Variants in NOL4 observed in about 807,000 individuals in gnomAD.
The protein encoded by NOL4 is cancer/testis antigen 125.
Under a neutral mutation model 75.9 loss-of-function variants are expected in NOL4, and 17 were observed. The ratio of observed to expected loss-of-function variants is 0.22; its 90% CI spans 0.15 to 0.34. NOL4 has a LOEUF of 0.34. Among genes scored for constraint, NOL4 ranks in the 10% least tolerant of loss-of-function variants. The pLI, the probability that NOL4 is intolerant of heterozygous loss-of-function variation, is 1.00. For synonymous variants in NOL4, 292 were observed against 289.9 expected, an observed-to-expected ratio of 1.01 and a Z score of -0.07; for missense variants, 614 against 793.5, an observed-to-expected ratio of 0.77 and a Z score of 2.72.
chr18:33,912,679 C>CA (rs946899398), intron 9 of NOL4, among the ~76,000 whole-genome samples: 2 of 151,998 alleles, frequency 1.3e-5, no homozygotes, highest in African/African-American at 2.4e-5. Context: ...GGTAATATGA[C>CA]AATCAGCATA....
At position 34,206,052 on chromosome 18, in the gene NOL4, C is replaced by T. The variant is rs150717841; in HGVS notation, c.264+16938G>A. Among the ~76,000 whole-genome samples the T allele has an allele frequency of 4.6e-3, 707 of 152,234 alleles. 6 individuals are homozygous for T. The highest frequency in any genetic ancestry group is 0.016 in the African/African-American group (658 of 41,564). The stretch of plus-strand genomic sequence containing the variant: ...ATATGCTACATTATCATTTTATTCA[C>T]GTCAAAATACTGTCTAATTTATCTT... On this transcript the variant is annotated intron_variant, in intron 1 of 10. Transcript: ENST00000261592.
intron 6 of NOL4, among the ~76,000 whole-genome samples, chr18:33,975,863 T>A (rs1253964081): frequency 6.6e-6 from 1 of 152,240 alleles, no homozygotes; most frequent in African/African-American, 2.4e-5. Flanking sequence ...TCTCAGTTAA[T>A]GGTGGTCCTT....
intron 5 of NOL4, among the ~76,000 whole-genome samples, chr18:34,050,803 A>G (rs1257289693): frequency 6.6e-6 from 1 of 152,160 alleles, no homozygotes; most frequent in Non-Finnish European, 1.5e-5. Context: ...TCACAAAACA[A>G]GTTTTAAATA....
chr18:33,930,455 GAT>G (rs1181179695), intron 9 of NOL4, among the ~76,000 whole-genome samples: 4 of 151,994 alleles, frequency 2.6e-5, no homozygotes, highest in Non-Finnish European at 5.9e-5. Context: ...GTTATATTTT[GAT>G]ATCCACTTGT....
chr18:34,093,970 A>C (rs1429955838), intron 4 of NOL4, among the ~76,000 whole-genome samples: 1 of 152,144 alleles, frequency 6.6e-6, no homozygotes, highest in African/African-American at 2.4e-5. Context: ...TGAACCCAGG[A>C]GGCAGAGCTT....
intron 1 of NOL4, among the ~76,000 whole-genome samples, chr18:34,140,205 C>T (rs1039785189): frequency 6.6e-6 from 1 of 152,158 alleles, no homozygotes; most frequent in African/African-American, 2.4e-5. Context: ...CTGCTTGGTG[C>T]AGAGCTGAGT....
intron 1 of NOL4, among the ~76,000 whole-genome samples, chr18:34,150,604 A>C (rs2081600013): frequency 6.6e-6 from 1 of 151,778 alleles, no homozygotes; most frequent in South Asian, 2.1e-4. Context: ...TCCTAGACTA[A>C]ATGTTAAATA....
chr18:34,078,072 A>G (rs1294292137), intron 5 of NOL4, among the ~76,000 whole-genome samples: 1 of 152,178 alleles, frequency 6.6e-6, no homozygotes, highest in African/African-American at 2.4e-5. Context: ...AACCCATTGC[A>G]TATCTGTATG....
chr18:33,895,379 C>A (rs555367247), intron 9 of NOL4, among the ~76,000 whole-genome samples: 2 of 152,022 alleles, frequency 1.3e-5, no homozygotes, highest in African/African-American at 4.8e-5. Context: ...AAATGTAACA[C>A]TTTCCATTTA....
chr18:34,136,494 AG>A (rs1452249961), intron 1 of NOL4, among the ~76,000 whole-genome samples: 16 of 152,178 alleles, frequency 1.1e-4, no homozygotes, highest in Admixed American at 8.5e-4. Context: ...CTAATAAATG[AG>A]TTCCAGTCAA....
At position 34,016,360 on chromosome 18, in the gene NOL4, T is replaced by A. The variant is rs146161313; in HGVS notation, c.1056+2958A>T. ...TTCACCAAAACGTTGCCAGAATAAT[T>A]TTTATAAAATTCCAAGCTGACCACA... is the stretch of plus-strand genomic sequence containing the variant. On this transcript the variant is annotated intron_variant, in intron 6 of 10. Transcript: ENST00000261592. Among the ~76,000 whole-genome samples the A allele has an allele frequency of 8.4e-3, 1,272 of 152,130 alleles. 16 individuals carry two copies. The highest frequency in any genetic ancestry group is 0.029 in the African/African-American group (1,193 of 41,538).
At position 33,981,185 on chromosome 18, in the gene NOL4, A is replaced by G. The variant is rs554187104; in HGVS notation, c.1057-22767T>C. Among the ~76,000 whole-genome samples the G allele has an allele frequency of 3.9e-5, 6 of 152,178 alleles. No homozygotes were observed. In the South Asian group the frequency reaches 1.2e-3, roughly 32 times the overall value. On this transcript the variant is annotated intron_variant, in intron 6 of 10. Transcript: ENST00000261592. Reference sequence around the variant, plus strand: ...GCAAAGAGAAAAATTCTGAATAAACAGAACAGAATATGTAAGAACTGTGGG... The same window carrying G: ...GCAAAGAGAAAAATTCTGAATAAACGGAACAGAATATGTAAGAACTGTGGG...
At chr18:33,871,791 T>C (rs755754776) in intron 10 of NOL4, among the ~76,000 whole-genome samples, 3 of 152,062 alleles carry the variant, frequency 2.0e-5, no homozygotes, top group East Asian at 1.9e-4. Context: ...CTGATCAATG[T>C]TGAACTATAA....
chr18:33,974,564 C>A (rs2071344454), intron 6 of NOL4, among the ~76,000 whole-genome samples: 1 of 152,000 alleles, frequency 6.6e-6, no homozygotes, highest in African/African-American at 2.4e-5. Flanking sequence ...TTGTGGTGAT[C>A]AAAAACAATT....
intron 6 of NOL4, among the ~76,000 whole-genome samples, chr18:33,987,801 AG>A (rs1158587023): frequency 6.6e-6 from 1 of 152,038 alleles, no homozygotes; most frequent in East Asian, 1.9e-4. Context: ...CCTAGAAGGA[AG>A]GGCATAGCAG....
At chr18:34,000,912 G>A (rs975355706) in intron 6 of NOL4, among the ~76,000 whole-genome samples, 5 of 152,222 alleles carry the variant, frequency 3.3e-5, no homozygotes, top group Non-Finnish European at 4.4e-5. Flanking sequence ...ATGACTTAGA[G>A]AGAGATGGTG....
At chr18:33,983,304 AG>A (rs2072131312) in intron 6 of NOL4, among the ~76,000 whole-genome samples, 1 of 152,112 alleles carries the variant, frequency 6.6e-6, no homozygotes, top group Non-Finnish European at 1.5e-5. Flanking sequence ...TACACTACTG[AG>A]CATGAACCCT....
chr18:33,922,016 A>G (rs532479693), intron 9 of NOL4, among the ~76,000 whole-genome samples: 1 of 152,284 alleles, frequency 6.6e-6, no homozygotes, highest in African/African-American at 2.4e-5. Flanking sequence ...ATGTAACCCA[A>G]TCATATGGGG....
chr18:34,071,932 T>C (rs1310544810), intron 5 of NOL4, among the ~76,000 whole-genome samples: 1 of 151,990 alleles, frequency 6.6e-6, no homozygotes, highest in South Asian at 2.1e-4. Flanking sequence ...ACAAAACAGT[T>C]TAAAGATAAA....
Sources: gnomAD v4.1 joint callset for allele counts (sites outside exome capture counted in the v4.1 genomes callset) on GRCh38, gnomAD v4.1.1 for gene constraint, MANE v1.5 for transcripts, NCBI Gene and HGNC (gene_info 2026-07-23, HGNC 2026-07-21) for gene names.